Variants in RYR2 observed in about 807,000 individuals in gnomAD.
The protein encoded by RYR2 is ryanodine receptor 2.
In RYR2, 227 loss-of-function variants were observed where a neutral mutation model predicts 601.1. The observed-to-expected ratio is 0.38, with a 90% confidence interval of 0.34 to 0.42. RYR2 has a LOEUF of 0.42. Among genes scored for constraint, RYR2 ranks in the 10% least tolerant of loss-of-function variants. The probability of loss-of-function intolerance (pLI) is 1.00; values close to 1 mark genes in which losing one functional copy is unlikely to be tolerated. For synonymous variants in RYR2, 2,223 were observed against 2,175.1 expected (o/e 1.02, Z -0.61); for missense variants, 4,646 against 6,156.5 (o/e 0.75, Z 8.21).
chr1:237,193,942 A>G (rs1680286051), intron 1 of RYR2, among the ~76,000 whole-genome samples: 1 of 152,202 alleles, frequency 6.6e-6, no homozygotes. Flanking sequence ...TGCGTCAAAC[A>G]TTCTCATAAC....
chr1:237,604,525 A>T (rs148363756), intron 35 of RYR2, among the ~76,000 whole-genome samples: 64 of 152,322 alleles, frequency 4.2e-4, no homozygotes, highest in African/African-American at 1.5e-3. Context: ...GAGAAGCAAG[A>T]GCAAACACAT....
At chr1:237,539,098 G>T (rs553017403) in intron 25 of RYR2, among the ~76,000 whole-genome samples, 1 of 152,286 alleles carries the variant, frequency 6.6e-6, no homozygotes, top group African/African-American at 2.4e-5. Flanking sequence ...TCATAGATTA[G>T]AAATTGTCTT....
intron 51 of RYR2, among the ~76,000 whole-genome samples, chr1:237,652,321 T>A (rs1682840093): frequency 1.3e-5 from 2 of 152,224 alleles, no homozygotes; most frequent in African/African-American, 4.8e-5. Context: ...CAAGTCTCAC[T>A]CTATCTTACT....
intron 38 of RYR2, among the ~76,000 whole-genome samples, chr1:237,620,896 A>T (rs964485628): frequency 6.6e-6 from 1 of 151,764 alleles, no homozygotes; most frequent in Non-Finnish European, 1.5e-5. Context: ...ACACGGAAAA[A>T]CTCCACACTA....
rs1177874557 is a variant in RYR2 at position 237,544,052 on chromosome 1, A to T, written c.2907-4379A>T. On this transcript the variant is annotated intron_variant, in intron 25 of 104. Coordinates refer to ENST00000366574, the MANE Select transcript of RYR2 (RefSeq NM_001035.3). The stretch of plus-strand genomic sequence containing the variant: ...TTTTGCTATCGGGAAAGCAAAGCCT[A>T]AACTGTTAGGTATTTGATTACTCTC... 3.3e-5 allele frequency among the ~76,000 whole-genome samples: 5 copies of T among 152,304 alleles called. No homozygotes were observed. The East Asian group carries it at 9.6e-4, about 29-fold the overall frequency.
intron 62 of RYR2, among the ~76,000 whole-genome samples, chr1:237,685,381 G>C (rs994908844): frequency 1.3e-5 from 2 of 152,118 alleles, no homozygotes; most frequent in Admixed American, 6.6e-5. Context: ...AGCAGAGATT[G>C]TCAAGTCCTT....
chr1:237,227,039 C>T lies in RYR2; in HGVS notation c.49-43458C>T, dbSNP rs550597941. Among the ~76,000 whole-genome samples, 16 of 152,212 alleles carry T rather than the reference C, an allele frequency of 1.1e-4. No homozygotes were observed. The East Asian group carries it at 2.1e-3, about 20-fold the overall frequency. On this transcript the variant is annotated intron_variant, in intron 1 of 104. Coordinates refer to ENST00000366574, the MANE Select transcript of RYR2 (RefSeq NM_001035.3). Reference sequence around the variant, plus strand: ...CTGCTTTGCAAAGCCTCCCAAAGTGCTGGGATTATAGACGTTGAGCCCCTG... The same window carrying T: ...CTGCTTTGCAAAGCCTCCCAAAGTGTTGGGATTATAGACGTTGAGCCCCTG...
intron 1 of RYR2, among the ~76,000 whole-genome samples, chr1:237,263,617 A>G (rs1261568204): frequency 3.3e-5 from 5 of 152,184 alleles, no homozygotes; most frequent in Non-Finnish European, 7.4e-5. Context: ...GAGTGCTTCA[A>G]GATGTTTGTA....
At chr1:237,043,856 T>C (rs1203742673) in intron 1 of RYR2, among the ~76,000 whole-genome samples, 1 of 152,242 alleles carries the variant, frequency 6.6e-6, no homozygotes, top group Non-Finnish European at 1.5e-5. Context: ...CTTTTAGGTG[T>C]GAAAATAGTC....
At chr1:237,680,838 CAT>C (rs1346095723) in intron 62 of RYR2, among the ~76,000 whole-genome samples, 2 of 152,212 alleles carry the variant, frequency 1.3e-5, no homozygotes, top group African/African-American at 2.4e-5. Flanking sequence ...ACAATCTACA[CAT>C]AGAGGCCGGA....
intron 38 of RYR2, among the ~76,000 whole-genome samples, chr1:237,621,586 C>T (rs969488953): frequency 1.3e-5 from 2 of 152,066 alleles, no homozygotes; most frequent in African/African-American, 4.8e-5. Flanking sequence ...ACCCTGCTGA[C>T]GTCAGGTGAT....
intron 2 of RYR2, among the ~76,000 whole-genome samples, chr1:237,293,964 C>T (rs893288837): frequency 8.5e-5 from 13 of 152,210 alleles, no homozygotes; most frequent in African/African-American, 3.1e-4. Context: ...AAAGTTCTGA[C>T]CCCCCAGTTG....
At chr1:237,402,725 G>A (rs1165774404) in intron 10 of RYR2, among the ~76,000 whole-genome samples, 1 of 143,540 alleles carries the variant, frequency 7.0e-6, no homozygotes, top group East Asian at 2.2e-4. Context: ...TACCAGCCTG[G>A]ACAACATAGT....
At chr1:237,781,412 A>T (rs1431707590) in intron 88 of RYR2, among the ~76,000 whole-genome samples, 153 bp from the exon 89 acceptor site, 1 of 152,238 alleles carries the variant, frequency 6.6e-6, no homozygotes. Context: ...GTAAAGTATA[A>T]CTATTTTTAA....
intron 3 of RYR2, among the ~76,000 whole-genome samples, chr1:237,348,610 C>T (rs1698498940): frequency 6.6e-6 from 1 of 152,146 alleles, no homozygotes; most frequent in Non-Finnish European, 1.5e-5. Context: ...CATCTAGCTG[C>T]CAGCCGTAGG....
Position 237,241,294 on chromosome 1 carries a change from G to A in RYR2, c.49-29203G>A, listed in dbSNP as rs558602375. Among the ~76,000 whole-genome samples the A allele has an allele frequency of 7.2e-5, 11 of 152,298 alleles. No homozygotes were observed. In the South Asian group the frequency reaches 1.2e-3, roughly 17 times the overall value. On this transcript the variant is annotated intron_variant, in intron 1 of 104. Transcript: ENST00000366574. ...TAAACATGTTGAAACATGATAAAACGTGTCTTAGAATTAACGAAATGTAAT... is the reference window on the plus strand; with the variant it reads ...TAAACATGTTGAAACATGATAAAACATGTCTTAGAATTAACGAAATGTAAT...
rs2149446956 is a variant in RYR2, at chr1:237,809,099, T to C, written c.14433+64T>C. On this transcript the variant is annotated intron_variant, in intron 100 of 104. Coordinates refer to ENST00000366574, the MANE Select transcript of RYR2 (RefSeq NM_001035.3). ...TCTCCTGCTTCTGCAGTCTAAGTAA[T>C]TGTGTATTTATTCTCTAACAGTACA... 2.1e-6 allele frequency: 3 copies of C among 1,416,874 alleles called. No homozygotes were observed. In the South Asian group the frequency reaches 3.6e-5, roughly 17 times the overall value. 87.8% of individuals were successfully genotyped at this position (1,416,874 alleles called of 1,614,324 possible). A position where few individuals can be genotyped will look rare whatever the true frequency, so the allele number is the denominator to read the frequency against.
At position 237,610,163 on chromosome 1, in the gene RYR2, C is replaced by T. The variant is rs370837152; in HGVS notation, c.4684-599C>T. Among the ~76,000 whole-genome samples, 2 of 152,174 alleles carry T rather than the reference C, an allele frequency of 1.3e-5. No individual in the cohort carries two copies. Among genetic ancestry groups the T allele is most frequent in the African/African-American group, 4.8e-5 (2 of 41,442 alleles). ...AGCAGAGACCTCTCTTTCTTTGACA[C>T]CAGACAGAAAGAATTAAGGATGGCT... is the stretch of plus-strand genomic sequence containing the variant. On this transcript the variant is annotated intron_variant, in intron 35 of 104. Transcript: ENST00000366574. The surrounding 1 kb of genome is among the most constrained non-coding windows in gnomAD (Gnocchi z 4.9).
intron 2 of RYR2, among the ~76,000 whole-genome samples, chr1:237,307,646 C>A (rs2149476221): frequency 6.6e-6 from 1 of 152,232 alleles, no homozygotes; most frequent in African/African-American, 2.4e-5. Flanking sequence ...TGTGAAACTT[C>A]AGGGCTCCTG....
Sources: allele counts gnomAD v4.1 joint callset (sites outside exome capture counted in the v4.1 genomes callset), GRCh38; gene constraint gnomAD v4.1.1; non-coding constraint Gnocchi (gnomAD v3.1); transcripts MANE v1.5; gene names NCBI Gene and HGNC (gene_info 2026-07-23, HGNC 2026-07-21).